Variants in RPH3AL observed in about 807,000 individuals in gnomAD.
The protein encoded by RPH3AL is rab effector Noc2.
RPH3AL carries 38 observed loss-of-function variants against 43.1 expected under a neutral mutation model. The ratio of observed to expected loss-of-function variants is 0.88; its 90% confidence interval spans 0.68 to 1.15. The LOEUF (loss-of-function observed/expected upper bound fraction) is 1.15, where lower values mean the gene tolerates loss of function less well. Among genes scored for constraint, RPH3AL ranks in the 50% most tolerant of loss-of-function variants. The pLI is 0.00. For synonymous variants in RPH3AL, 189 were observed against 176.3 expected, an observed-to-expected ratio of 1.07 and a Z score of -0.57; for missense variants, 462 against 423.2, an observed-to-expected ratio of 1.09 and a Z score of -0.81.
intron 5 of RPH3AL, among the ~76,000 whole-genome samples, chr17:286,730 T>G (rs1471064054): frequency 1.3e-5 from 2 of 152,152 alleles, no homozygotes; most frequent in Non-Finnish European, 2.9e-5. Context: ...GCCACTCACT[T>G]CCCTGCCTGA....
rs1039510342 is a variant in RPH3AL, at chr17:319,056, C to T, written c.351+364G>A. Among the ~76,000 whole-genome samples the T allele has an allele frequency of 6.6e-5, 10 of 152,214 alleles. No individual in the cohort carries two copies. In the East Asian group the frequency reaches 9.6e-4, roughly 15 times the overall value. ...TTAATCCTCATAGCATGGTGAGGTA[C>T]ATGGTATCACGACCACATATTACAG... On this transcript the variant is annotated intron_variant, in intron 5 of 9. Transcript: ENST00000331302.
intron 5 of RPH3AL, among the ~76,000 whole-genome samples, chr17:304,649 C>G (rs988575120): frequency 2.0e-5 from 3 of 152,014 alleles, no homozygotes; most frequent in Admixed American, 2.0e-4. Context: ...AGGCCCGAAC[C>G]AGCCGGAGGC....
At chr17:229,274 G>A (rs528759677) in intron 7 of RPH3AL, among the ~76,000 whole-genome samples, 3 of 152,262 alleles carry the variant, frequency 2.0e-5, no homozygotes, top group East Asian at 3.9e-4. Context: ...GGCACCACTC[G>A]AGGGCAAGGC....
intron 5 of RPH3AL, among the ~76,000 whole-genome samples, chr17:309,028 T>G (rs1345306534): frequency 6.6e-6 from 1 of 152,186 alleles, no homozygotes; most frequent in East Asian, 1.9e-4. Flanking sequence ...CTGGCTGTGG[T>G]GGCTCAAGCC....
chr17:284,284 C>T (rs868510739), intron 5 of RPH3AL, among the ~76,000 whole-genome samples: 55 of 152,176 alleles, frequency 3.6e-4, no homozygotes, highest in African/African-American at 1.2e-3. Flanking sequence ...TCAGAGATGA[C>T]TCGGGCTGCC....
intron 5 of RPH3AL, among the ~76,000 whole-genome samples, chr17:318,593 G>GA (rs143675420): frequency 0.11 from 16,972 of 148,462 alleles, 1,060 homozygotes; most frequent in Middle Eastern, 0.16. Flanking sequence ...TTTATGCCAG[G>GA]AAAAAAAAAA....
At chr17:247,060 A>T (rs1309539382) in intron 7 of RPH3AL, 51 bp downstream of exon 7, 1 of 1,605,944 alleles carries the variant, frequency 6.2e-7, no homozygotes, top group Non-Finnish European at 8.5e-7. Flanking sequence ...CGGGCTGGCT[A>T]ATGACCCAAA....
intron 5 of RPH3AL, among the ~76,000 whole-genome samples, chr17:316,020 GCCC>G (rs371218808): frequency 1.7e-5 from 1 of 58,566 alleles, no homozygotes; most frequent in East Asian, 7.0e-4. Flanking sequence ...TAGTCCCTGT[GCCC>G]CCACCTCCAT....
rs12949092 is a variant in RPH3AL at position 283,342 on chromosome 17, T to C, written c.352-1488A>G. 0.75 allele frequency among the ~76,000 whole-genome samples: 113,354 copies of C among 152,040 alleles called. 43,588 individuals carry two copies. The highest frequency in any genetic ancestry group is 0.84 in the Non-Finnish European group (56,921 of 67,966). On this transcript the variant is annotated intron_variant, in intron 5 of 9. Transcript: ENST00000331302. The surrounding 1 kb of genome is among the most constrained non-coding windows in gnomAD (Gnocchi z 4.2). ...ATCGGGTGGCCGAGCTCAGTGCCCCTGGGGTGGGGGAGCAAACTCACGGGG... is the reference window on the plus strand; with the variant it reads ...ATCGGGTGGCCGAGCTCAGTGCCCCCGGGGTGGGGGAGCAAACTCACGGGG...
chr17:270,968 G>T (rs1191497556), intron 6 of RPH3AL, among the ~76,000 whole-genome samples: 1 of 152,166 alleles, frequency 6.6e-6, no homozygotes. Context: ...TGTAAGGAAG[G>T]GATCCAGTTT....
intron 6 of RPH3AL, among the ~76,000 whole-genome samples, chr17:262,151 G>A (rs1433531751): frequency 6.6e-6 from 1 of 152,164 alleles, no homozygotes; most frequent in African/African-American, 2.4e-5. Context: ...TTCTCCTTGG[G>A]GTGGTCTAGG....
chr17:312,315 AGAG>A (rs1210952387), intron 5 of RPH3AL, among the ~76,000 whole-genome samples: 1 of 152,102 alleles, frequency 6.6e-6, no homozygotes, highest in East Asian at 1.9e-4. Context: ...CAGAAAAGCA[AGAG>A]GAGGAGGAGA....
Position 348,420 on chromosome 17 carries a change from C to A in RPH3AL, c.-213+4292G>T, listed in dbSNP as rs117231057. ...ATCAGTATTACCACATTTATTGTAA[C>A]AAATGTACCTCACCAAAGCAAGATG... is the stretch of plus-strand genomic sequence containing the variant. On this transcript the variant is annotated intron_variant, in intron 1 of 9. Coordinates refer to ENST00000331302, the MANE Select transcript of RPH3AL (RefSeq NM_006987.4). 2.5e-3 allele frequency among the ~76,000 whole-genome samples: 380 copies of A among 151,324 alleles called. 5 individuals carry two copies. Among genetic ancestry groups the A allele is most frequent in the Admixed American group, 0.018 (272 of 15,170 alleles).
intron 5 of RPH3AL, among the ~76,000 whole-genome samples, chr17:314,043 G>A (rs2043738130): frequency 6.6e-6 from 1 of 152,196 alleles, no homozygotes; most frequent in East Asian, 1.9e-4. Flanking sequence ...CAGCTCCAGA[G>A]TAGCGTGGGG....
chr17:328,223 C>T lies in RPH3AL; in HGVS notation c.-36-644G>A, dbSNP rs956977066. On this transcript the variant is annotated intron_variant, in intron 2 of 9. Transcript: ENST00000331302. This position sits in a 1 kb window ranked among gnomAD's most constrained non-coding sequence, Gnocchi z 4.2. ...CAGGGAGGTGGCCCTGCTCCAGGAC[C>T]CCCTGAGGGCTTCACCTGTGCACTG... 1.3e-5 allele frequency among the ~76,000 whole-genome samples: 2 copies of T among 151,690 alleles called. No individual in the cohort carries two copies. The highest frequency in any genetic ancestry group is 1.3e-4 in the Admixed American group (2 of 15,202).
At position 215,670 on chromosome 17, in the gene RPH3AL, A is replaced by C; in HGVS notation, c.860T>G (p.Leu287Arg). The C allele has an allele frequency of 7.8e-7, 1 of 1,274,236 alleles. No individual in the cohort carries two copies. The highest frequency in any genetic ancestry group is 1.0e-6 in the Non-Finnish European group (1 of 1,004,952). 78.9% of individuals were successfully genotyped at this position (1,274,236 alleles called of 1,614,324 possible). ...ADPPGGPRPGLTRRAPVKDTP... is the reference protein window; with the variant it reads ...ADPPGGPRPGRTRRAPVKDTP... ...GGTACTCACCGGGGCCCTTCGGGTC[A>C]GCCCGGGGCGGGGTCCCCCTGGCGG... Residue 287 changes from leucine to arginine, a missense_variant, in exon 9 of 10, where the codon CTG becomes CGG. By Grantham distance (102) the Leu-to-Arg change is moderately radical. Transcript: ENST00000331302. This position sits in a 1 kb window ranked among gnomAD's most constrained non-coding sequence, Gnocchi z 4.1.
chr17:242,919 C>CCCTTCCTCTATTGACTA (rs1567577097), intron 7 of RPH3AL, among the ~76,000 whole-genome samples: 2,315 of 57,816 alleles, frequency 0.04, 409 homozygotes, highest in Admixed American at 0.05. Context: ...CTATTGATTA[C>CCCTTCCTCTATTGACTA]CCTTCCTCTA....
intron 6 of RPH3AL, among the ~76,000 whole-genome samples, chr17:273,050 G>GAGAGACCCCAGCGAGGGTGACGTCAGGA (rs2042541044): frequency 9.5e-6 from 1 of 104,714 alleles, no homozygotes; most frequent in African/African-American, 3.0e-5. Context: ...CGACGTCAGG[G>GAGAGACCCCAGCGAGGGTGACGTCAGGA]AGAGACCCCA....
Position 328,700 on chromosome 17 carries a change from G to T in RPH3AL, c.-36-1121C>A, listed in dbSNP as rs34084117. On this transcript the variant is annotated intron_variant, in intron 2 of 9. Transcript: ENST00000331302. This position sits in a 1 kb window ranked among gnomAD's most constrained non-coding sequence, Gnocchi z 4.2. ...GGAAAATGTGCTATATCCATACGAT[G>T]ATTATTATTTACAATGGATTATGAT... Among the ~76,000 whole-genome samples, 25,503 of 152,076 alleles carry T rather than the reference G, an allele frequency of 0.17. 2,867 individuals carry two copies. Among genetic ancestry groups the T allele is most frequent in the East Asian group, 0.33 (1,730 of 5,172 alleles).
Sources: allele counts gnomAD v4.1 joint callset (sites outside exome capture counted in the v4.1 genomes callset), GRCh38; gene constraint gnomAD v4.1.1; non-coding constraint Gnocchi (gnomAD v3.1); transcripts MANE v1.5; gene names NCBI Gene and HGNC (gene_info 2026-07-23, HGNC 2026-07-21).